CPNE5: variants seen among roughly 807,000 people sequenced by gnomAD.
CPNE5 encodes the protein copine 5, also known as copine-5.
In CPNE5, 42 loss-of-function variants were observed where a neutral mutation model predicts 81.1. The observed-to-expected ratio is 0.52, with a 90% confidence interval of 0.40 to 0.67. The LOEUF (loss-of-function observed/expected upper bound fraction) is 0.67, where lower values mean the gene tolerates loss of function less well. Ranked by LOEUF, CPNE5 falls within the 30% of genes least tolerant of loss-of-function variation. The probability of loss-of-function intolerance (pLI) is 0.00; values close to 1 mark genes in which losing one functional copy is unlikely to be tolerated. For synonymous variants in CPNE5, 313 were observed against 321.5 expected (o/e 0.97, Z 0.28); for missense variants, 612 against 815.5 (o/e 0.75, Z 3.04).
chr6:36,814,856 G>T (rs926641815), intron 3 of CPNE5, among the ~76,000 whole-genome samples: 2 of 152,148 alleles, frequency 1.3e-5, no homozygotes, highest in Admixed American at 6.5e-5. Flanking sequence ...TTGAGTTAAT[G>T]CAGGTAAAGT....
At chr6:36,790,171 G>A (rs1768957142) in intron 8 of CPNE5, among the ~76,000 whole-genome samples, 1 of 152,232 alleles carries the variant, frequency 6.6e-6, no homozygotes, top group Admixed American at 6.5e-5. Context: ...GAAAATTAAT[G>A]AGGACCATAA....
At chr6:36,755,928 A>C in intron 13 of CPNE5, 1 of 416,806 alleles carries the variant, frequency 2.4e-6, no homozygotes, top group Non-Finnish European at 4.3e-6. Context: ...AAAAGCACCA[A>C]CGTGGGGAAT....
chr6:36,775,623 G>A (rs1047281258), intron 9 of CPNE5, among the ~76,000 whole-genome samples: 6 of 151,960 alleles, frequency 3.9e-5, no homozygotes, highest in African/African-American at 1.2e-4. Flanking sequence ...CCATCTCCAC[G>A]AAACCTCCCC....
At chr6:36,777,061 C>A (rs1209932821) in intron 9 of CPNE5, among the ~76,000 whole-genome samples, 1 of 152,220 alleles carries the variant, frequency 6.6e-6, no homozygotes, top group Non-Finnish European at 1.5e-5. Flanking sequence ...CCAGCTCACA[C>A]TTGGAATGAA....
chr6:36,834,254 CAAAAAAAAAA>C (rs1157250827), intron 1 of CPNE5, among the ~76,000 whole-genome samples: 2 of 21,684 alleles, frequency 9.2e-5, no homozygotes, highest in African/African-American at 9.1e-4. Flanking sequence ...GACTGTATCT[CAAAAAAAAAA>C]AAAAAAAAAA....
At position 36,816,348 on chromosome 6, in the gene CPNE5, G is replaced by T. The variant is rs1163568466; in HGVS notation, c.183+5766C>A. 2.3e-4 allele frequency among the ~76,000 whole-genome samples: 35 copies of T among 152,222 alleles called. 2 individuals are homozygous for T. The highest frequency in any genetic ancestry group is 2.3e-3 in the Admixed American group (35 of 15,288). On this transcript the variant is annotated intron_variant, in intron 3 of 20. Transcript: ENST00000244751. ...ATGAAATGTGGTGACAGATTTAGGT[G>T]CTGGGAAGATGGAGCTTTCTCAGAA... is the stretch of plus-strand genomic sequence containing the variant.
At chr6:36,828,944 C>T (rs1005277093) in intron 1 of CPNE5, among the ~76,000 whole-genome samples, 3 of 152,078 alleles carry the variant, frequency 2.0e-5, no homozygotes, top group Non-Finnish European at 2.9e-5. Flanking sequence ...TAATAACAGT[C>T]CCCCCCTCCC....
At chr6:36,804,384 CA>C (rs1440438593) in intron 3 of CPNE5, among the ~76,000 whole-genome samples, 1 of 152,194 alleles carries the variant, frequency 6.6e-6, no homozygotes, top group Non-Finnish European at 1.5e-5. Context: ...ACCCCTGTTC[CA>C]AAAGAGTTCC....
chr6:36,786,003 A>G (rs1768502686), intron 8 of CPNE5, among the ~76,000 whole-genome samples: 1 of 122,002 alleles, frequency 8.2e-6, no homozygotes, highest in Non-Finnish European at 1.6e-5. Flanking sequence ...ACAGAGCAAG[A>G]CTCCGTCTCA....
chr6:36,763,129 G>A, intron 11 of CPNE5, 137 bp from the exon 12 acceptor site: 2 of 740,938 alleles, frequency 2.7e-6, no homozygotes, highest in Non-Finnish European at 2.3e-6. Context: ...CCAGCAGACA[G>A]GCTGGGTCCG....
intron 1 of CPNE5, among the ~76,000 whole-genome samples, chr6:36,837,011 C>A (rs1027543928): frequency 4.6e-5 from 7 of 152,212 alleles, no homozygotes; most frequent in African/African-American, 1.7e-4. Flanking sequence ...CAGGGTCAGC[C>A]CCAGAACCAC....
intron 3 of CPNE5, among the ~76,000 whole-genome samples, chr6:36,815,382 C>T (rs1014016710): frequency 2.6e-5 from 4 of 152,104 alleles, no homozygotes; most frequent in South Asian, 2.1e-4. Context: ...CTGAAATTCA[C>T]GTTGAAATTC....
At chr6:36,744,451 G>C in intron 18 of CPNE5, 126 bp from the exon 19 acceptor site, 1 of 736,298 alleles carries the variant, frequency 1.4e-6, no homozygotes. Flanking sequence ...AACATGGAGA[G>C]ACAGAGAAAC....
chr6:36,744,994 C>G (rs554200272), intron 18 of CPNE5, 54 bp downstream of exon 18: 74 of 1,247,566 alleles, frequency 5.9e-5, no homozygotes, highest in Non-Finnish European at 8.7e-5. Flanking sequence ...GTTCCCCTAA[C>G]GGGGAGGAAG....
chr6:36,821,534 C>G (rs1442878078), intron 3 of CPNE5, among the ~76,000 whole-genome samples: 1 of 151,240 alleles, frequency 6.6e-6, no homozygotes, highest in Non-Finnish European at 1.5e-5. Flanking sequence ...TCCCTACTCC[C>G]TGTTACAAGG....
chr6:36,783,146 A>G (rs920017402), intron 8 of CPNE5, among the ~76,000 whole-genome samples: 4 of 152,262 alleles, frequency 2.6e-5, no homozygotes, highest in Middle Eastern at 3.4e-3. Flanking sequence ...TTGTTTGCCT[A>G]TGAAAATGGC....
chr6:36,776,696 C>T (rs1441909057), intron 9 of CPNE5, among the ~76,000 whole-genome samples: 2 of 152,200 alleles, frequency 1.3e-5, no homozygotes, highest in African/African-American at 4.8e-5. Flanking sequence ...ACTGACTTCT[C>T]CCTTTCCCTC....
intron 20 of CPNE5, chr6:36,743,163 C>T: frequency 1.0e-6 from 1 of 985,450 alleles, no homozygotes; most frequent in Non-Finnish European, 1.2e-6. Context: ...GCACTAGGGC[C>T]TCCTCTGCAG....
At chr6:36,830,594 T>C (rs1310453589) in intron 1 of CPNE5, among the ~76,000 whole-genome samples, 1 of 152,190 alleles carries the variant, frequency 6.6e-6, no homozygotes, top group Non-Finnish European at 1.5e-5. Context: ...TTTGCATTTT[T>C]ATTGTTATTA....
Sources: allele counts gnomAD v4.1 joint callset (sites outside exome capture counted in the v4.1 genomes callset), GRCh38; gene constraint gnomAD v4.1.1; transcripts MANE v1.5; gene names NCBI Gene and HGNC (gene_info 2026-07-23, HGNC 2026-07-21).